The following PHF21A variants were observed in gnomAD, a reference collection of about 807,000 sequenced individuals.
PHF21A encodes BHC80a.
PHF21A carries 11 observed loss-of-function variants against 82.5 expected under a neutral mutation model. The observed-to-expected ratio is 0.13, with a 90% CI of 0.08 to 0.22. The LOEUF is 0.22. PHF21A is among the 10% of genes least tolerant of loss of function. PHF21A has a pLI of 1.00. For synonymous variants in PHF21A, 297 were observed against 302.8 expected (o/e 0.98, Z 0.20); for missense variants, 579 against 837.8 (o/e 0.69, Z 3.81).
At chr11:46,102,654 C>T (rs1287381467) in intron 1 of PHF21A, among the ~76,000 whole-genome samples, 2 of 152,192 alleles carry the variant, frequency 1.3e-5, no homozygotes, top group Non-Finnish European at 2.9e-5. Context: ...TATCTCACCC[C>T]AACCAGAAAA....
intron 6 of PHF21A, among the ~76,000 whole-genome samples, chr11:46,047,373 T>C (rs1331017865): frequency 2.0e-5 from 3 of 152,188 alleles, no homozygotes; most frequent in Admixed American, 2.0e-4. Context: ...CATGAAGCAT[T>C]TTTATAGGCT....
chr11:46,016,332 G>A (rs901808988), intron 6 of PHF21A, among the ~76,000 whole-genome samples: 4 of 152,136 alleles, frequency 2.6e-5, no homozygotes, highest in Non-Finnish European at 5.9e-5. Context: ...AAACTCTTAG[G>A]TAAGGCATTT....
intron 6 of PHF21A, among the ~76,000 whole-genome samples, chr11:46,010,685 G>A (rs1217394046): frequency 6.6e-6 from 1 of 152,134 alleles, no homozygotes; most frequent in African/African-American, 2.4e-5. Flanking sequence ...CTAAGCCAGC[G>A]TGCAAAGCCT....
chr11:45,939,771 CAAAAAAAAA>C (rs56931455), intron 15 of PHF21A, among the ~76,000 whole-genome samples: 4 of 60,386 alleles, frequency 6.6e-5, no homozygotes, highest in African/African-American at 2.6e-4. Context: ...GAACATAGCC[CAAAAAAAAA>C]AAAAAAAAAA....
intron 11 of PHF21A, among the ~76,000 whole-genome samples, chr11:45,952,044 G>A (rs981640584): frequency 2.9e-4 from 44 of 152,052 alleles, no homozygotes; most frequent in African/African-American, 1.1e-3. Flanking sequence ...ACCTCAGGTG[G>A]TCCGCCCGCC....
At position 45,931,458 on chromosome 11, in the gene PHF21A, T is replaced by A. The variant is rs1175613561; in HGVS notation, c.*2510A>T. ...TTCTGAATGAGAAAAGGGAACTCTT[T>A]CCCCCTCAGCCAATCAAGCAGCCAG... On this transcript the variant is annotated 3_prime_UTR_variant, in exon 19 of 19. Coordinates refer to ENST00000676320, the MANE Select transcript of PHF21A (RefSeq NM_001352027.3). The A allele has an allele frequency of 1.3e-5, 2 of 152,154 alleles. No individual in the cohort carries two copies. The highest frequency in any genetic ancestry group is 2.1e-4 in the South Asian group (1 of 4,810). 9.4% of individuals were successfully genotyped at this position (152,154 alleles called of 1,614,324 possible).
chr11:46,031,781 G>A (rs1228326358), intron 6 of PHF21A, among the ~76,000 whole-genome samples: 2 of 152,074 alleles, frequency 1.3e-5, no homozygotes, highest in Admixed American at 6.6e-5. Context: ...TTCCAGAGAC[G>A]TTACTAACAC....
intron 5 of PHF21A, among the ~76,000 whole-genome samples, chr11:46,078,547 G>A (rs779924343): frequency 1.3e-5 from 2 of 152,090 alleles, no homozygotes; most frequent in Non-Finnish European, 2.9e-5. Context: ...AGTGAAAAAT[G>A]CCTATGAGAA....
chr11:45,978,478 T>C (rs1240795519), intron 7 of PHF21A, among the ~76,000 whole-genome samples: 1 of 152,190 alleles, frequency 6.6e-6, no homozygotes. Flanking sequence ...AAAAAATTCA[T>C]TCTTTACTTG....
intron 7 of PHF21A, among the ~76,000 whole-genome samples, chr11:45,976,356 C>A (rs1193543794): frequency 6.6e-6 from 1 of 152,078 alleles, no homozygotes. Context: ...TTTTTTAATT[C>A]TTGAAAATAG....
chr11:46,050,427 T>C (rs2096339483), intron 6 of PHF21A, among the ~76,000 whole-genome samples: 1 of 152,186 alleles, frequency 6.6e-6, no homozygotes, highest in Non-Finnish European at 1.5e-5. Context: ...GCAGGAGAGC[T>C]GGCTTTTGAG....
At chr11:46,016,152 A>T (rs1484003805) in intron 6 of PHF21A, among the ~76,000 whole-genome samples, 1 of 152,190 alleles carries the variant, frequency 6.6e-6, no homozygotes, top group Non-Finnish European at 1.5e-5. Context: ...AGCAACAGAA[A>T]ATTTTTAGCT....
intron 6 of PHF21A, among the ~76,000 whole-genome samples, chr11:46,023,030 C>CTGAGATT (rs1405184002): frequency 1.3e-5 from 2 of 152,212 alleles, no homozygotes; most frequent in Admixed American, 6.5e-5. Flanking sequence ...AGATTATGGG[C>CTGAGATT]ATGAGCCACC....
intron 6 of PHF21A, among the ~76,000 whole-genome samples, chr11:46,075,916 A>T (rs1471583017): frequency 1.3e-5 from 2 of 152,258 alleles, no homozygotes; most frequent in Non-Finnish European, 2.9e-5. Flanking sequence ...AAAAATCCTC[A>T]ATAAAATGTC....
Position 45,971,188 on chromosome 11 carries a change from G to A in PHF21A, c.540C>T (p.Leu180=). ...STDVQNTPVN[L]QTSSKVTGPG... ...GCCCAGTGACCTTACTAGACGTCTG[G>A]AGGTTGACTGGTGTGTTCTGCACAT... The change falls in exon 8 of 19, where the codon CTC becomes CTT. Residue 180 remains leucine (L), a synonymous_variant. Transcript: ENST00000676320. The A allele has an allele frequency of 3.1e-6, 5 of 1,614,210 alleles. No individual in the cohort carries two copies. The highest frequency in any genetic ancestry group is 4.2e-6 in the Non-Finnish European group (5 of 1,180,026).
chr11:46,036,234 T>G (rs892052512), intron 6 of PHF21A, among the ~76,000 whole-genome samples: 15 of 152,278 alleles, frequency 9.9e-5, no homozygotes, highest in African/African-American at 3.4e-4. Context: ...TAGACTGTGG[T>G]AAAATTTACA....
chr11:46,074,977 A>G (rs556586748), intron 6 of PHF21A, among the ~76,000 whole-genome samples: 1 of 152,374 alleles, frequency 6.6e-6, no homozygotes, highest in East Asian at 1.9e-4. Context: ...TAAAAATTGC[A>G]GGACTGGATT....
intron 12 of PHF21A, 74 bp from the exon 13 acceptor site, chr11:45,949,555 T>A: frequency 8.2e-7 from 1 of 1,212,978 alleles, no homozygotes; most frequent in Non-Finnish European, 1.2e-6. Flanking sequence ...TTGTTTTATC[T>A]ATTGGTTTTC....
chr11:46,015,401 C>T (rs1488764038), intron 6 of PHF21A, among the ~76,000 whole-genome samples: 2 of 152,212 alleles, frequency 1.3e-5, no homozygotes, highest in East Asian at 3.9e-4. Flanking sequence ...AGGACTTAGC[C>T]ATAAATTCTT....
Sources: gnomAD v4.1 joint callset for allele counts (sites outside exome capture counted in the v4.1 genomes callset) on GRCh38, gnomAD v4.1.1 for gene constraint, MANE v1.5 for transcripts, NCBI Gene and HGNC (gene_info 2026-07-23, HGNC 2026-07-21) for gene names.